Variants in SF3B4 observed in about 807,000 individuals in gnomAD.
SF3B4 encodes splicing factor 3b subunit 4.
In SF3B4, 3 loss-of-function variants were observed where a neutral mutation model predicts 34.3. That is an observed-to-expected ratio of 0.09 (90% CI 0.04 to 0.23). The LOEUF (loss-of-function observed/expected upper bound fraction) is 0.23, where lower values mean the gene tolerates loss of function less well. Among genes scored for constraint, SF3B4 ranks in the 10% least tolerant of loss-of-function variants. The pLI is 1.00. For missense variants in SF3B4, 283 were observed against 567.2 expected, an observed-to-expected ratio of 0.50 and a Z score of 5.09; for synonymous variants, 216 against 207.8, an observed-to-expected ratio of 1.04 and a Z score of -0.34.
chr1:149,924,637 G>C (rs1553765747), intron 4 of SF3B4, among the ~76,000 whole-genome samples: 1 of 152,114 alleles, frequency 6.6e-6, no homozygotes, highest in Admixed American at 6.5e-5. Flanking sequence ...GATAGGATTT[G>C]AGAAAGTAGC....
rs1261617762 is a variant in SF3B4 at position 149,926,963 on chromosome 1, C to T, written c.164-45G>A. ...GAGGTTAACAACGTAAGTAAAGAGA[C>T]TGAAAATGGGGTAAAATTCATCTAC... On this transcript the variant is annotated intron_variant, in intron 2 of 5. Transcript: ENST00000271628. This position sits in a 1 kb window ranked among gnomAD's most constrained non-coding sequence, Gnocchi z 6.2. 7.8e-6 allele frequency: 12 copies of T among 1,536,972 alleles called. No homozygotes were observed. The highest frequency in any genetic ancestry group is 9.6e-6 in the Non-Finnish European group (11 of 1,141,828).
At chr1:149,927,444 C>T in intron 1 of SF3B4, 150 bp from the exon 2 acceptor site, 2 of 894,230 alleles carry the variant, frequency 2.2e-6, no homozygotes, top group East Asian at 2.6e-5. Context: ...TTAAACTTCT[C>T]TCTTCCCAGG....
chr1:149,925,043 A>T (rs999793754), intron 4 of SF3B4, among the ~76,000 whole-genome samples: 3 of 152,230 alleles, frequency 2.0e-5, no homozygotes, highest in South Asian at 4.1e-4. Context: ...AATTAAGTGT[A>T]AAATAATGAG....
Position 149,923,671 on chromosome 1 carries a change from G to C in SF3B4, c.1146C>G (p.Pro382=), listed in dbSNP as rs1282103385. 1 of 1,528,502 alleles carries C rather than the reference G, an allele frequency of 6.5e-7. No homozygotes were observed. The highest frequency in any genetic ancestry group is 1.4e-5 in the African/African-American group (1 of 69,102). 94.7% of individuals were successfully genotyped at this position (1,528,502 alleles called of 1,614,324 possible). The part of the protein sequence containing the change: ...GMRGPPPLMP[P]HGYTGPPRPP... Reference sequence around the variant, plus strand: ...GTCGTGGAGGGCCAGTGTATCCATGGGGGGGCATCAGTGGAGGAGGTCCAC... The same window carrying C: ...GTCGTGGAGGGCCAGTGTATCCATGCGGGGGCATCAGTGGAGGAGGTCCAC... Residue 382 remains proline, a synonymous_variant, in exon 6 of 6, where the codon CCC becomes CCG. Transcript: ENST00000271628.
Position 149,926,617 on chromosome 1 carries a change from C to G in SF3B4, c.465G>C (p.Ser155=). 6.2e-7 allele frequency: 1 copy of G among 1,614,120 alleles called. No homozygotes were observed. ...CATTCATGGCTTCAATTGCTGCATC[C>G]GAAGCATCAAATGAAGCAAAATTAA... The part of the protein sequence containing the change: ...AFINFASFDA[S]DAAIEAMNGQ... The change falls in exon 3 of 6, where the codon TCG becomes TCC. Residue 155 remains serine, a synonymous_variant. Coordinates refer to ENST00000271628, the MANE Select transcript of SF3B4 (RefSeq NM_005850.5). The surrounding 1 kb of genome is among the most constrained non-coding windows in gnomAD (Gnocchi z 6.2).
chr1:149,927,648 C>G, intron 1 of SF3B4, 78 bp downstream of exon 1: 3 of 1,514,898 alleles, frequency 2.0e-6, no homozygotes, highest in Non-Finnish European at 2.7e-6. Context: ...GTCTCCCACC[C>G]CTGCAGAGAC....
rs2092593693 is a variant in SF3B4 at position 149,926,988 on chromosome 1, C to T, written c.164-70G>A. 2.7e-6 allele frequency: 4 copies of T among 1,477,032 alleles called. No homozygotes were observed. Among genetic ancestry groups the T allele is most frequent in the African/African-American group, 1.4e-5 (1 of 70,794 alleles). The allele number at this position is 1,477,032 out of a possible 1,614,324, so 91.5% of individuals were successfully genotyped here. On this transcript the variant is annotated intron_variant, in intron 2 of 5. Coordinates refer to ENST00000271628, the MANE Select transcript of SF3B4 (RefSeq NM_005850.5). The surrounding 1 kb of genome is among the most constrained non-coding windows in gnomAD (Gnocchi z 6.2). The stretch of plus-strand genomic sequence containing the variant: ...CTGAAAATGGGGTAAAATTCATCTA[C>T]CCTCTAATCACAAAGAACAAGAAAG...
rs2092567994 is a variant in SF3B4 at position 149,923,510 on chromosome 1, G to A, written c.*32C>T. 6.5e-7 allele frequency: 1 copy of A among 1,536,232 alleles called. No homozygotes were observed. Among genetic ancestry groups the A allele is most frequent in the Middle Eastern group, 2.1e-4 (1 of 4,852 alleles). ...GTCCAAGGAATAGAAAAGATATTGG[G>A]AAAATGTAACAGGAGGAAGGAAAAT... is the stretch of plus-strand genomic sequence containing the variant. On this transcript the variant is annotated 3_prime_UTR_variant, in exon 6 of 6. Coordinates refer to ENST00000271628, the MANE Select transcript of SF3B4 (RefSeq NM_005850.5).
chr1:149,927,419 A>G, intron 1 of SF3B4, 125 bp from the exon 2 acceptor site: 1 of 1,163,900 alleles, frequency 8.6e-7, no homozygotes, highest in Middle Eastern at 2.0e-4. Flanking sequence ...GGAGCAAAAA[A>G]AAAAGTTTAA....
chr1:149,924,634 T>C (rs2092578362), intron 4 of SF3B4, among the ~76,000 whole-genome samples: 1 of 152,062 alleles, frequency 6.6e-6, no homozygotes, highest in Non-Finnish European at 1.5e-5. Flanking sequence ...GTTGATAGGA[T>C]TTGAGAAAGT....
Position 149,923,830 on chromosome 1 carries a change from A to C in SF3B4, c.1087+11T>G. The C allele has an allele frequency of 6.3e-7, 1 of 1,581,794 alleles. No homozygotes were observed. Among genetic ancestry groups the C allele is most frequent in the African/African-American group, 1.4e-5 (1 of 72,866 alleles). On this transcript the variant is annotated intron_variant, in intron 5 of 5. Coordinates refer to ENST00000271628, the MANE Select transcript of SF3B4 (RefSeq NM_005850.5). ...AAGTGCAGATGAGGGAGGTGGCTAG[A>C]GCCGACTTACCCATGGGAGATCCGA...
Position 149,923,820 on chromosome 1 carries a change from AG to A in SF3B4, c.1087+20del. On this transcript the variant is annotated intron_variant, in intron 5 of 5. Transcript: ENST00000271628. Reference sequence around the variant, plus strand: ...AGAACATGATAAGTGCAGATGAGGGAGGTGGCTAGAGCCGACTTACCCATGG... The same window carrying A: ...AGAACATGATAAGTGCAGATGAGGGAGTGGCTAGAGCCGACTTACCCATGG... 6.4e-7 allele frequency: 1 copy of A among 1,569,526 alleles called. No individual in the cohort carries two copies. Among genetic ancestry groups the A allele is most frequent in the Non-Finnish European group, 8.6e-7 (1 of 1,163,466 alleles).
chr1:149,924,423 T>A (rs2092576528), intron 4 of SF3B4, among the ~76,000 whole-genome samples: 1 of 151,794 alleles, frequency 6.6e-6, no homozygotes, highest in African/African-American at 2.4e-5. Context: ...GATGACAGAG[T>A]GAGACCCCAT....
At chr1:149,925,629 A>T in intron 4 of SF3B4, 1 of 633,788 alleles carries the variant, frequency 1.6e-6, no homozygotes, top group Non-Finnish European at 2.9e-6. Flanking sequence ...AAAACTGGCA[A>T]GTAGAGTCTA....
Position 149,927,781 on chromosome 1 carries a change from T to TC in SF3B4, c.-23dup. On this transcript the variant is annotated 5_prime_UTR_variant, in exon 1 of 6. Coordinates refer to ENST00000271628, the MANE Select transcript of SF3B4 (RefSeq NM_005850.5). ...CCATGGCGAAAGAGATCCCGCCGTC[T>TC]CCCAGCAGCGGTTCCGCCTTCTGAC... 6.4e-7 allele frequency: 1 copy of TC among 1,551,968 alleles called. No individual in the cohort carries two copies. Among genetic ancestry groups the TC allele is most frequent in the Middle Eastern group, 1.7e-4 (1 of 5,992 alleles).
At chr1:149,924,158 G>T in intron 4 of SF3B4, 144 bp from the exon 5 acceptor site, 1 of 729,422 alleles carries the variant, frequency 1.4e-6, no homozygotes. Flanking sequence ...AATAAGGCTG[G>T]CTGGGCACAG....
At chr1:149,924,215 A>G (rs1553765711) in intron 4 of SF3B4, among the ~76,000 whole-genome samples, 1 of 152,202 alleles carries the variant, frequency 6.6e-6, no homozygotes, top group East Asian at 1.9e-4. Context: ...TAGGTGGATC[A>G]CTTGAGCCCA....
intron 4 of SF3B4, among the ~76,000 whole-genome samples, chr1:149,924,813 A>G (rs1032362819): frequency 2.6e-5 from 4 of 152,254 alleles, no homozygotes; most frequent in Non-Finnish European, 5.9e-5. Context: ...CTCAGTAATC[A>G]GGAGCAAAAT....
In SF3B4 at chr1:149,923,632, GCC is replaced by G; in HGVS notation, c.1183_1184del (p.Gly395LeufsTer90). The G allele has an allele frequency of 6.5e-7, 1 of 1,533,108 alleles. No homozygotes were observed. Among genetic ancestry groups the G allele is most frequent in the Admixed American group, 2.5e-5 (1 of 39,760 alleles). The allele number at this position is 1,533,108 out of a possible 1,614,324, so 95.0% of individuals were successfully genotyped here. The stretch of plus-strand genomic sequence containing the variant: ...GTGGAGGGAGAGGCCCCCGCTGGTA[GCC>G]ATAGGGTGGGGGTCGTGGAGGGCCA... ...YTGPPRPPPY[G>X]YQRGPLPPPR... On this transcript the variant is annotated frameshift_variant, in exon 6 of 6. Coordinates refer to ENST00000271628, the MANE Select transcript of SF3B4 (RefSeq NM_005850.5). LOFTEE classifies it high-confidence loss of function.
Sources: allele counts gnomAD v4.1 joint callset (sites outside exome capture counted in the v4.1 genomes callset), GRCh38; gene constraint gnomAD v4.1.1; non-coding constraint Gnocchi (gnomAD v3.1); transcripts MANE v1.5; gene names NCBI Gene and HGNC (gene_info 2026-07-23, HGNC 2026-07-21).